CACNG5: variants seen among roughly 807,000 people sequenced by gnomAD.
CACNG5 encodes the protein voltage-dependent calcium channel gamma-5 subunit.
A neutral mutation model predicts 24.8 loss-of-function variants in CACNG5; 18 were observed. The ratio of observed to expected loss-of-function variants is 0.73; its 90% CI spans 0.50 to 1.08. The LOEUF (loss-of-function observed/expected upper bound fraction) is 1.08. Among genes scored for constraint, CACNG5 ranks in the 50% least tolerant of loss-of-function variants. CACNG5 has a pLI of 0.00. For synonymous variants in CACNG5, 157 were observed against 149.1 expected (o/e 1.05, Z -0.39); for missense variants, 349 against 367.9 (o/e 0.95, Z 0.42).
chr17:66,865,731 G>A (rs1227149405), intron 1 of CACNG5, among the ~76,000 whole-genome samples: 15 of 150,882 alleles, frequency 9.9e-5, no homozygotes, highest in African/African-American at 3.4e-4. Flanking sequence ...CTGGGTTCAT[G>A]CCATTCTCCT....
At chr17:66,835,931 T>A (rs2144491651) in intron 1 of CACNG5, among the ~76,000 whole-genome samples, 1 of 152,348 alleles carries the variant, frequency 6.6e-6, no homozygotes, top group Non-Finnish European at 1.5e-5. Flanking sequence ...CCTCTCATTG[T>A]GATTCCCCGA....
In CACNG5 at chr17:66,887,574, C is replaced by T. The variant is rs1405019354; in HGVS notation, c.*2334C>T. Among the ~76,000 whole-genome samples the T allele has an allele frequency of 6.6e-6, 1 of 152,150 alleles. No homozygotes were observed. Among genetic ancestry groups the T allele is most frequent in the African/African-American group, 2.4e-5 (1 of 41,428 alleles). On this transcript the variant is annotated 3_prime_UTR_variant, in exon 6 of 6. Transcript: ENST00000533854. ...CAAACTGGACAATCATTTAGGTAAG[C>T]GCTATTCCAATTTTTATCAATGTAA...
At chr17:66,862,610 G>C (rs1234186911) in intron 1 of CACNG5, among the ~76,000 whole-genome samples, 1 of 152,036 alleles carries the variant, frequency 6.6e-6, no homozygotes, top group African/African-American at 2.4e-5. Flanking sequence ...AATAGTTACA[G>C]AATATTCCAT....
intron 5 of CACNG5, 35 bp downstream of exon 5, chr17:66,884,696 G>A (rs200525239): frequency 2.7e-5 from 43 of 1,614,108 alleles, no homozygotes; most frequent in Admixed American, 8.3e-5. Context: ...GATAGGCTGG[G>A]CCTGGGCACT....
At chr17:66,875,260 G>A (rs3760266) in intron 1 of CACNG5, among the ~76,000 whole-genome samples, 45,108 of 151,766 alleles carry the variant, frequency 0.3, 7,414 homozygotes, top group South Asian at 0.51. Context: ...CTCTGCCCAC[G>A]CTGTTGCATG....
intron 1 of CACNG5, among the ~76,000 whole-genome samples, chr17:66,868,121 G>A (rs9908774): frequency 8.5e-4 from 129 of 152,302 alleles, no homozygotes; most frequent in African/African-American, 3.0e-3. Flanking sequence ...TAAAGGCACC[G>A]TCAGCTCTCT....
chr17:66,890,730 T>G lies in CACNG5; in HGVS notation c.*5490T>G, dbSNP rs772500501. On this transcript the variant is annotated 3_prime_UTR_variant, in exon 6 of 6. Transcript: ENST00000533854. ...GTGTGTTACCAGCAGCCCTCGGAAC[T>G]TCTGTCTTTTCATTCCTGTAATGGG... Among the ~76,000 whole-genome samples, 4 of 152,366 alleles carry G rather than the reference T, an allele frequency of 2.6e-5. No individual in the cohort carries two copies. Among genetic ancestry groups the G allele is most frequent in the Non-Finnish European group, 4.4e-5 (3 of 68,040 alleles).
intron 1 of CACNG5, among the ~76,000 whole-genome samples, chr17:66,871,881 CAAAA>C (rs949987772): frequency 6.6e-6 from 1 of 152,058 alleles, no homozygotes; most frequent in African/African-American, 2.4e-5. Context: ...AACAAACAAA[CAAAA>C]AACTCAAGAA....
chr17:66,837,314 C>T (rs1976494324), intron 1 of CACNG5, among the ~76,000 whole-genome samples: 1 of 152,164 alleles, frequency 6.6e-6, no homozygotes, highest in African/African-American at 2.4e-5. Flanking sequence ...ACAGATTGAG[C>T]TTGGATTCCC....
chr17:66,845,251 A>G (rs1229086733), intron 1 of CACNG5, among the ~76,000 whole-genome samples: 1 of 152,118 alleles, frequency 6.6e-6, no homozygotes, highest in Non-Finnish European at 1.5e-5. Context: ...ATGAGAACAC[A>G]TGGACGTAGG....
In CACNG5 at chr17:66,843,865, G is replaced by C. The variant is rs992883234; in HGVS notation, c.-104+8615G>C. On this transcript the variant is annotated intron_variant, in intron 1 of 5. Coordinates refer to ENST00000533854, the MANE Select transcript of CACNG5 (RefSeq NM_145811.3). ...TGTTGCAATTGCTCTCACACTGGGT[G>C]CTCTCAAGCAAAAGAGTACAAGCTG... 5.3e-5 allele frequency among the ~76,000 whole-genome samples: 8 copies of C among 151,994 alleles called. No individual in the cohort carries two copies. The South Asian group carries it at 6.2e-4, about 12-fold the overall frequency.
chr17:66,871,151 T>C (rs1420029751), intron 1 of CACNG5, among the ~76,000 whole-genome samples: 1 of 152,104 alleles, frequency 6.6e-6, no homozygotes, highest in African/African-American at 2.4e-5. Context: ...GGGATTAGCA[T>C]GGTGGGAAGC....
intron 1 of CACNG5, among the ~76,000 whole-genome samples, chr17:66,869,077 T>C (rs916479552): frequency 4.6e-5 from 7 of 152,098 alleles, no homozygotes; most frequent in African/African-American, 1.4e-4. Flanking sequence ...GTGCTTCTTT[T>C]TTTCTTTCTT....
intron 1 of CACNG5, among the ~76,000 whole-genome samples, chr17:66,858,253 CAG>C (rs1386255560): frequency 6.6e-6 from 1 of 152,164 alleles, no homozygotes; most frequent in East Asian, 1.9e-4. Context: ...TTCTGAGGCC[CAG>C]TATTTTCCAC....
At chr17:66,867,215 G>A (rs1030616241) in intron 1 of CACNG5, among the ~76,000 whole-genome samples, 4 of 152,160 alleles carry the variant, frequency 2.6e-5, no homozygotes, top group Non-Finnish European at 5.9e-5. Flanking sequence ...TTTCTCTAGT[G>A]ATCAGTGATG....
At chr17:66,848,275 C>A (rs1976664445) in intron 1 of CACNG5, among the ~76,000 whole-genome samples, 1 of 152,168 alleles carries the variant, frequency 6.6e-6, no homozygotes, top group African/African-American at 2.4e-5. Flanking sequence ...CATTCCAATC[C>A]CACAGGAAAC....
intron 1 of CACNG5, among the ~76,000 whole-genome samples, chr17:66,858,744 G>T (rs886722448): frequency 8.7e-5 from 11 of 126,984 alleles, no homozygotes; most frequent in Admixed American, 3.0e-4. Context: ...ATCTCCCCCT[G>T]CATCCTGGCA....
chr17:66,871,113 C>A (rs1856804028), intron 1 of CACNG5, among the ~76,000 whole-genome samples: 1 of 152,138 alleles, frequency 6.6e-6, no homozygotes, highest in Admixed American at 6.5e-5. Flanking sequence ...ATTTTGCGGT[C>A]ATTTTTTCAC....
rs1977285992 is a variant in CACNG5, at chr17:66,887,960, A to G, written c.*2720A>G. Among the ~76,000 whole-genome samples the G allele has an allele frequency of 6.6e-6, 1 of 152,144 alleles. No individual in the cohort carries two copies. The highest frequency in any genetic ancestry group is 2.1e-4 in the South Asian group (1 of 4,834). ...TCTCCTCAATCAGGAGACTTTTACC[A>G]AACGTTAACATGTACAAACTCAACT... On this transcript the variant is annotated 3_prime_UTR_variant, in exon 6 of 6. Coordinates refer to ENST00000533854, the MANE Select transcript of CACNG5 (RefSeq NM_145811.3).
Sources: gnomAD v4.1 joint callset for allele counts (sites outside exome capture counted in the v4.1 genomes callset) on GRCh38, gnomAD v4.1.1 for gene constraint, MANE v1.5 for transcripts, NCBI Gene and HGNC (gene_info 2026-07-23, HGNC 2026-07-21) for gene names.